PDE4D: variants seen among roughly 807,000 people sequenced by gnomAD.
PDE4D encodes the protein 3',5'-cyclic-AMP phosphodiesterase 4D.
In PDE4D, 24 loss-of-function variants were observed where a neutral mutation model predicts 87.4. The observed-to-expected ratio is 0.27, with a 90% CI of 0.20 to 0.39. PDE4D has a LOEUF of 0.39. Among genes scored for constraint, PDE4D ranks in the 10% least tolerant of loss-of-function variants. The pLI is 1.00. For synonymous variants in PDE4D, 384 were observed against 383.2 expected (o/e 1.00, Z -0.02); for missense variants, 714 against 1,041.0 (o/e 0.69, Z 4.32).
At chr5:59,782,240 A>T (rs1323668865) in intron 1 of PDE4D, among the ~76,000 whole-genome samples, 1 of 152,182 alleles carries the variant, frequency 6.6e-6, no homozygotes, top group African/African-American at 2.4e-5. Context: ...GTGATTTTCT[A>T]AGAACTATGT....
intron 1 of PDE4D, among the ~76,000 whole-genome samples, chr5:59,343,600 T>C (rs761519093): frequency 1.3e-5 from 2 of 152,224 alleles, no homozygotes; most frequent in Admixed American, 6.5e-5. Context: ...GATGAATTAT[T>C]GAATTGGATA....
Position 59,663,167 on chromosome 5 carries a change from GT to G in PDE4D, c.455+230000del, listed in dbSNP as rs918303906. ...CTTATTTCTGCTGATATTTTTCTTT[GT>G]TTTTTTTTTCCTTTGAGATGGAGTC... On this transcript the variant is annotated intron_variant, in intron 1 of 14. Coordinates refer to ENST00000340635, the MANE Select transcript of PDE4D (RefSeq NM_001104631.2). Among the ~76,000 whole-genome samples, 386 of 148,646 alleles carry G rather than the reference GT, an allele frequency of 2.6e-3. 2 individuals carry two copies. Among genetic ancestry groups the G allele is most frequent in the African/African-American group, 8.3e-3 (337 of 40,616 alleles).
chr5:59,932,678 A>G (rs554951898), intron 3 of PDE4D, among the ~76,000 whole-genome samples: 1 of 152,282 alleles, frequency 6.6e-6, no homozygotes, highest in African/African-American at 2.4e-5. Context: ...ATGCACTAGG[A>G]ACACAGAGGA....
At chr5:59,427,459 G>A (rs1355688214) in intron 1 of PDE4D, among the ~76,000 whole-genome samples, 11 of 152,206 alleles carry the variant, frequency 7.2e-5, no homozygotes, top group African/African-American at 4.8e-5. Context: ...CAACCAAGAC[G>A]TGATCCACAC....
At chr5:59,501,838 A>T (rs1290217346) in intron 1 of PDE4D, among the ~76,000 whole-genome samples, 2 of 152,164 alleles carry the variant, frequency 1.3e-5, no homozygotes, top group Admixed American at 6.5e-5. Flanking sequence ...TGAGCTGCTA[A>T]TTGGAATGTC....
chr5:59,505,245 A>G (rs763306061), intron 1 of PDE4D, among the ~76,000 whole-genome samples: 1 of 152,212 alleles, frequency 6.6e-6, no homozygotes, highest in Non-Finnish European at 1.5e-5. Flanking sequence ...TGATGTTATT[A>G]TTAGCAGAAG....
At chr5:60,158,424 C>G (rs1401001392) in intron 2 of PDE4D, among the ~76,000 whole-genome samples, 1 of 152,100 alleles carries the variant, frequency 6.6e-6, no homozygotes, top group African/African-American at 2.4e-5. Flanking sequence ...TAGAAAACAC[C>G]TACCGTGAAT....
At chr5:59,333,518 C>T (rs1777109716) in intron 1 of PDE4D, among the ~76,000 whole-genome samples, 1 of 152,144 alleles carries the variant, frequency 6.6e-6, no homozygotes, top group South Asian at 2.1e-4. Context: ...CAGAATACCT[C>T]ATAACTGTGA....
At chr5:60,456,941 T>G (rs1746515872) in intron 1 of PDE4D, among the ~76,000 whole-genome samples, 1 of 152,162 alleles carries the variant, frequency 6.6e-6, no homozygotes, top group African/African-American at 2.4e-5. Flanking sequence ...CTGGTCACGG[T>G]CAACTAACTA....
At chr5:60,365,204 C>T (rs1583535971) in intron 1 of PDE4D, among the ~76,000 whole-genome samples, 1 of 152,108 alleles carries the variant, frequency 6.6e-6, no homozygotes, top group Non-Finnish European at 1.5e-5. Context: ...CTAACGTGCC[C>T]AACATATTTT....
intron 2 of PDE4D, among the ~76,000 whole-genome samples, chr5:60,118,157 A>G (rs1582746386): frequency 6.6e-6 from 1 of 152,106 alleles, no homozygotes; most frequent in African/African-American, 2.4e-5. Flanking sequence ...AAAAGTGAGC[A>G]TTACCCAAAC....
chr5:59,083,006 T>C (rs1243151967), intron 5 of PDE4D, among the ~76,000 whole-genome samples: 1 of 152,136 alleles, frequency 6.6e-6, no homozygotes, highest in East Asian at 1.9e-4. Context: ...TTGCTTTGTT[T>C]TGCTTGAATA....
chr5:60,015,553 T>C (rs1299006053), intron 2 of PDE4D, among the ~76,000 whole-genome samples: 1 of 152,174 alleles, frequency 6.6e-6, no homozygotes, highest in Non-Finnish European at 1.5e-5. Flanking sequence ...ACAGAGAGTA[T>C]GATGATTAAC....
intron 1 of PDE4D, among the ~76,000 whole-genome samples, chr5:59,652,036 C>T (rs968855497): frequency 2.6e-5 from 4 of 152,210 alleles, no homozygotes; most frequent in African/African-American, 9.6e-5. Flanking sequence ...AAGGGCATGC[C>T]AGCTTCGGAA....
At chr5:60,502,217 A>T (rs992847024) in intron 1 of PDE4D, among the ~76,000 whole-genome samples, 1 of 152,196 alleles carries the variant, frequency 6.6e-6, no homozygotes, top group Non-Finnish European at 1.5e-5. Context: ...AGCTTTCTAC[A>T]TATGGCTAGC....
chr5:60,472,520 T>A (rs548632750), intron 1 of PDE4D, among the ~76,000 whole-genome samples: 1 of 152,288 alleles, frequency 6.6e-6, no homozygotes, highest in South Asian at 2.1e-4. Flanking sequence ...CTGAGATCCT[T>A]GTTGGTTAAG....
At chr5:58,993,153 T>A (rs1225629288) in intron 7 of PDE4D, among the ~76,000 whole-genome samples, 2 of 152,120 alleles carry the variant, frequency 1.3e-5, no homozygotes, top group Admixed American at 6.6e-5. Flanking sequence ...ATTCAAGAAT[T>A]CCTAAAGTCC....
At chr5:59,681,864 G>A (rs192229255) in intron 1 of PDE4D, among the ~76,000 whole-genome samples, 13 of 139,170 alleles carry the variant, frequency 9.3e-5, no homozygotes, top group African/African-American at 3.5e-4. Flanking sequence ...CGGAGTCACT[G>A]CACTCCAGCC....
At chr5:59,696,039 G>A (rs1331733259) in intron 1 of PDE4D, among the ~76,000 whole-genome samples, 1 of 152,154 alleles carries the variant, frequency 6.6e-6, no homozygotes, top group African/African-American at 2.4e-5. Context: ...TTTTTAAAAT[G>A]AGAAAATAAA....
Sources: allele counts gnomAD v4.1 joint callset (sites outside exome capture counted in the v4.1 genomes callset), GRCh38; gene constraint gnomAD v4.1.1; transcripts MANE v1.5; gene names NCBI Gene and HGNC (gene_info 2026-07-23, HGNC 2026-07-21).